The following NT5C2 variants were observed in gnomAD, a reference collection of about 807,000 sequenced individuals.
NT5C2 encodes 5'-nucleotidase, cytosolic II.
A neutral mutation model predicts 76.1 loss-of-function variants in NT5C2; 58 were observed. That is an observed-to-expected ratio of 0.76 (90% CI 0.62 to 0.95). The LOEUF (loss-of-function observed/expected upper bound fraction) is 0.95, where lower values mean the gene tolerates loss of function less well. NT5C2 is among the 40% of genes least tolerant of loss of function. The pLI is 0.00. For synonymous variants in NT5C2, 229 were observed against 237.4 expected (o/e 0.96, Z 0.32); for missense variants, 478 against 690.3 (o/e 0.69, Z 3.45).
chr10:103,129,474 T>TG (rs1339388320), intron 4 of NT5C2, among the ~76,000 whole-genome samples: 18 of 77,972 alleles, frequency 2.3e-4, no homozygotes, highest in Non-Finnish European at 3.1e-4. Flanking sequence ...GGGAGGGAGA[T>TG]GGGGGGGTCA....
intron 4 of NT5C2, among the ~76,000 whole-genome samples, chr10:103,124,553 TCAGA>T (rs753034942): frequency 4.6e-5 from 7 of 152,144 alleles, no homozygotes; most frequent in African/African-American, 1.7e-4. Flanking sequence ...GTATCACCAG[TCAGA>T]CAAAGAGTGC....
At chr10:103,173,925 GTC>G (rs1271393283) in intron 3 of NT5C2, among the ~76,000 whole-genome samples, 1 of 151,706 alleles carries the variant, frequency 6.6e-6, no homozygotes, top group Non-Finnish European at 1.5e-5. Context: ...GTGAAACCCT[GTC>G]TCTACTAAAA....
At chr10:103,148,940 T>C (rs1397123834) in intron 3 of NT5C2, among the ~76,000 whole-genome samples, 1 of 152,112 alleles carries the variant, frequency 6.6e-6, no homozygotes, top group Non-Finnish European at 1.5e-5. Flanking sequence ...AAAAGGGATA[T>C]ACTCATAATA....
At chr10:103,172,055 A>T (rs980066367) in intron 3 of NT5C2, among the ~76,000 whole-genome samples, 3 of 151,838 alleles carry the variant, frequency 2.0e-5, no homozygotes, top group African/African-American at 2.4e-5. Context: ...ACTAAAAATT[A>T]AAAAATTAGC....
chr10:103,105,623 T>C (rs2071041341), intron 6 of NT5C2, 83 bp downstream of exon 6: 1 of 891,084 alleles, frequency 1.1e-6, no homozygotes, highest in Non-Finnish European at 1.8e-6. Flanking sequence ...AATAGGGAAA[T>C]ATATTACATC....
At chr10:103,116,353 A>C (rs756529550) in intron 4 of NT5C2, among the ~76,000 whole-genome samples, 1 of 152,212 alleles carries the variant, frequency 6.6e-6, no homozygotes, top group African/African-American at 2.4e-5. Context: ...ATCAAATCAG[A>C]AAGTTTTAAC....
At chr10:103,192,946 C>A (rs2092754814) in intron 1 of NT5C2, among the ~76,000 whole-genome samples, 1 of 152,124 alleles carries the variant, frequency 6.6e-6, no homozygotes, top group Admixed American at 6.5e-5. Context: ...GGCTGGGAAA[C>A]AATGGCGCGA....
intron 4 of NT5C2, among the ~76,000 whole-genome samples, chr10:103,129,414 G>A (rs1451353040): frequency 1.0e-5 from 1 of 99,152 alleles, no homozygotes; most frequent in Non-Finnish European, 2.1e-5. Flanking sequence ...CTGCCCGGCC[G>A]CCCCTACTGG....
At chr10:103,138,711 TAAG>T (rs2079796252) in intron 4 of NT5C2, among the ~76,000 whole-genome samples, 1 of 152,182 alleles carries the variant, frequency 6.6e-6, no homozygotes, top group Non-Finnish European at 1.5e-5. Flanking sequence ...CCATCTGTGT[TAAG>T]AATAACATAC....
At chr10:103,152,531 ATAAT>A (rs2082584203) in intron 3 of NT5C2, among the ~76,000 whole-genome samples, 1 of 152,214 alleles carries the variant, frequency 6.6e-6, no homozygotes, top group African/African-American at 2.4e-5. Context: ...AACTAGAAAG[ATAAT>A]TAATAGATTC....
At chr10:103,144,991 T>A (rs556605024) in intron 3 of NT5C2, among the ~76,000 whole-genome samples, 2 of 152,254 alleles carry the variant, frequency 1.3e-5, no homozygotes, top group Non-Finnish European at 2.9e-5. Flanking sequence ...AAGCCTCACA[T>A]ATATTCTCAT....
At chr10:103,116,148 G>C (rs1457268708) in intron 4 of NT5C2, among the ~76,000 whole-genome samples, 1 of 151,956 alleles carries the variant, frequency 6.6e-6, no homozygotes, top group Non-Finnish European at 1.5e-5. Flanking sequence ...CATTTTATTG[G>C]TATTTTTTTA....
intron 10 of NT5C2, 141 bp from the exon 11 acceptor site, chr10:103,097,515 A>G: frequency 3.1e-6 from 2 of 653,688 alleles, no homozygotes; most frequent in Non-Finnish European, 5.5e-6. Context: ...TTTGCACTTA[A>G]AAGCCCACAT....
At chr10:103,160,781 G>A (rs781295431) in intron 3 of NT5C2, among the ~76,000 whole-genome samples, 6 of 152,166 alleles carry the variant, frequency 3.9e-5, no homozygotes, top group South Asian at 2.1e-4. Context: ...TTGGGAGGCC[G>A]AGGCAGGCAG....
chr10:103,131,622 T>TA (rs952842654), intron 4 of NT5C2, among the ~76,000 whole-genome samples: 3 of 152,304 alleles, frequency 2.0e-5, no homozygotes, highest in South Asian at 4.1e-4. Flanking sequence ...CAGTACTCTT[T>TA]AAAAGTCTCA....
chr10:103,164,004 C>T (rs940522894), intron 3 of NT5C2, among the ~76,000 whole-genome samples: 4 of 151,820 alleles, frequency 2.6e-5, no homozygotes, highest in Non-Finnish European at 4.4e-5. Flanking sequence ...TTTGGGAGTC[C>T]AAGGCAGGAG....
At chr10:103,129,843 C>T (rs1162240679) in intron 4 of NT5C2, among the ~76,000 whole-genome samples, 1 of 87,070 alleles carries the variant, frequency 1.1e-5, no homozygotes, top group South Asian at 4.6e-4. Flanking sequence ...GTGAGGAGCC[C>T]CTCTGCCCGG....
At chr10:103,138,248 CAGTACATCTCTG>C (rs1485483458) in intron 4 of NT5C2, among the ~76,000 whole-genome samples, 3 of 152,144 alleles carry the variant, frequency 2.0e-5, no homozygotes, top group African/African-American at 7.2e-5. Context: ...AAAGAAACCC[CAGTACATCTCTG>C]AGTTTTTTGG....
At chr10:103,176,973 A>G (rs2090098359) in intron 2 of NT5C2, among the ~76,000 whole-genome samples, 1 of 151,350 alleles carries the variant, frequency 6.6e-6, no homozygotes, top group Non-Finnish European at 1.5e-5. Context: ...AAAACTTTTA[A>G]TGGCCAAACC....
Sources: gnomAD v4.1 joint callset for allele counts (sites outside exome capture counted in the v4.1 genomes callset) on GRCh38, gnomAD v4.1.1 for gene constraint, MANE v1.5 for transcripts, NCBI Gene and HGNC (gene_info 2026-07-23, HGNC 2026-07-21) for gene names.